Variants in EYS observed in about 807,000 individuals in gnomAD.
EYS encodes the protein protein eyes shut homolog.
A neutral mutation model predicts 282.1 loss-of-function variants in EYS; 250 were observed. The observed-to-expected ratio is 0.89, with a 90% CI of 0.80 to 0.98. EYS has a LOEUF of 0.98. Among genes scored for constraint, EYS ranks in the 50% least tolerant of loss-of-function variants. EYS has a pLI of 0.00. For missense variants in EYS, 4,016 were observed against 3,709.0 expected (o/e 1.08, Z -2.15); for synonymous variants, 1,355 against 1,282.9 (o/e 1.06, Z -1.20).
At chr6:64,504,805 C>G (rs1249587314) in intron 26 of EYS, among the ~76,000 whole-genome samples, 3 of 152,100 alleles carry the variant, frequency 2.0e-5, no homozygotes, top group Non-Finnish European at 4.4e-5. Flanking sequence ...TTCCATGTGG[C>G]TAGTAAGAAA....
rs78503976 is a variant in EYS, at chr6:65,020,010, A to G, written c.2138-22307T>C. On this transcript the variant is annotated intron_variant, in intron 13 of 42. Transcript: ENST00000503581. ...AACGGCAAGAGAGTAACCCACCCCC[A>G]TGATTCAATTACCTCACACCAGGAC... 6.4e-3 allele frequency among the ~76,000 whole-genome samples: 971 copies of G among 152,184 alleles called. 18 individuals carry two copies. The highest frequency in any genetic ancestry group is 0.021 in the African/African-American group (867 of 41,534).
At chr6:64,506,347 A>T (rs1324404077) in intron 26 of EYS, among the ~76,000 whole-genome samples, 2 of 152,190 alleles carry the variant, frequency 1.3e-5, no homozygotes, top group African/African-American at 4.8e-5. Flanking sequence ...AAATTTAAAA[A>T]AAAGTTTGGT....
rs953862148 is a variant in EYS at position 65,602,052 on chromosome 6, C to T, written c.-333+37726G>A. Among the ~76,000 whole-genome samples the T allele has an allele frequency of 2.4e-4, 36 of 151,904 alleles. 1 individual carries two copies. The highest frequency in any genetic ancestry group is 7.0e-4 in the African/African-American group (29 of 41,494). Reference sequence around the variant, plus strand: ...TAATTTCTCATTGGTCTGGGTCTTTCGCAGTGTGGATGCATAATTTTGTTA... The same window carrying T: ...TAATTTCTCATTGGTCTGGGTCTTTTGCAGTGTGGATGCATAATTTTGTTA... On this transcript the variant is annotated intron_variant, in intron 2 of 42. Transcript: ENST00000503581.
rs949374092 is a variant in EYS, at chr6:64,331,479, C to T, written c.6079-24397G>A. 3.3e-5 allele frequency among the ~76,000 whole-genome samples: 5 copies of T among 152,166 alleles called. No homozygotes were observed. In the East Asian group the frequency reaches 9.7e-4, roughly 30 times the overall value. On this transcript the variant is annotated intron_variant, in intron 29 of 42. Coordinates refer to ENST00000503581, the MANE Select transcript of EYS (RefSeq NM_001142800.2). Reference sequence around the variant, plus strand: ...TTACCATGCCCTTACTGGAGCTTCCCCTAACAGAACCCACTAACTACTCCT... The same window carrying T: ...TTACCATGCCCTTACTGGAGCTTCCTCTAACAGAACCCACTAACTACTCCT...
intron 35 of EYS, among the ~76,000 whole-genome samples, chr6:63,888,441 G>T (rs1183480016): frequency 6.6e-6 from 1 of 152,226 alleles, no homozygotes; most frequent in East Asian, 1.9e-4. Context: ...CCAGAGGAAG[G>T]ATCAGGCAGC....
intron 12 of EYS, among the ~76,000 whole-genome samples, chr6:65,067,887 C>T (rs905900733): frequency 1.3e-5 from 2 of 152,046 alleles, no homozygotes; most frequent in Admixed American, 6.6e-5. Flanking sequence ...AATTTAATTA[C>T]AGTTTCAGTA....
At chr6:65,383,292 T>A (rs1765684619) in intron 8 of EYS, among the ~76,000 whole-genome samples, 2 of 151,970 alleles carry the variant, frequency 1.3e-5, no homozygotes, top group Non-Finnish European at 2.9e-5. Flanking sequence ...TGTTAAATGT[T>A]TTCTGAAGTG....
intron 12 of EYS, among the ~76,000 whole-genome samples, chr6:65,271,346 T>A (rs112677727): frequency 4.6e-5 from 7 of 151,180 alleles, no homozygotes; most frequent in Non-Finnish European, 1.0e-4. Flanking sequence ...AAGATCGATG[T>A]CTCAGCTCAC....
chr6:64,289,143 A>T (rs369186841), intron 30 of EYS, among the ~76,000 whole-genome samples: 1 of 152,130 alleles, frequency 6.6e-6, no homozygotes, highest in East Asian at 1.9e-4. Context: ...CTTATCAATC[A>T]TGACTTCCCA....
intron 12 of EYS, among the ~76,000 whole-genome samples, chr6:65,192,882 T>C (rs985072945): frequency 6.6e-6 from 1 of 151,878 alleles, no homozygotes; most frequent in Non-Finnish European, 1.5e-5. Context: ...ACTTAGGATG[T>C]CCATCACCTT....
intron 35 of EYS, among the ~76,000 whole-genome samples, chr6:63,912,957 T>C (rs1764302599): frequency 6.6e-6 from 1 of 152,166 alleles, no homozygotes; most frequent in African/African-American, 2.4e-5. Flanking sequence ...TTTACAGCAG[T>C]GCAAGAATGG....
chr6:64,253,520 C>T (rs1198642897), intron 30 of EYS, among the ~76,000 whole-genome samples: 2 of 152,268 alleles, frequency 1.3e-5, no homozygotes, highest in Middle Eastern at 3.4e-3. Context: ...TCACTGTCAG[C>T]GCTACAAATT....
chr6:64,855,278 T>C (rs1272942251), intron 19 of EYS, among the ~76,000 whole-genome samples: 3 of 152,050 alleles, frequency 2.0e-5, no homozygotes, highest in African/African-American at 7.2e-5. Flanking sequence ...CCTTTATCTT[T>C]TCAAAATTTC....
At chr6:64,479,063 T>TC (rs1315338473) in intron 26 of EYS, among the ~76,000 whole-genome samples, 1 of 152,090 alleles carries the variant, frequency 6.6e-6, no homozygotes, top group East Asian at 1.9e-4. Context: ...TTAACATTTT[T>TC]CTTATACTAT....
At chr6:63,919,116 G>A (rs1314850555) in intron 35 of EYS, among the ~76,000 whole-genome samples, 1 of 152,040 alleles carries the variant, frequency 6.6e-6, no homozygotes, top group Non-Finnish European at 1.5e-5. Flanking sequence ...TAAATTTTGG[G>A]GAGAAAGGAG....
chr6:64,313,097 C>T (rs1232689650), intron 29 of EYS, among the ~76,000 whole-genome samples: 1 of 152,176 alleles, frequency 6.6e-6, no homozygotes, highest in Non-Finnish European at 1.5e-5. Context: ...GCTAAAGGAG[C>T]ATGTCCTAAC....
intron 15 of EYS, among the ~76,000 whole-genome samples, chr6:64,941,561 T>C (rs1413375521): frequency 6.6e-6 from 1 of 152,030 alleles, no homozygotes; most frequent in African/African-American, 2.4e-5. Context: ...ATCACCCAGG[T>C]AGTGAGCATA....
At chr6:63,910,602 G>A (rs943321068) in intron 35 of EYS, among the ~76,000 whole-genome samples, 1 of 152,072 alleles carries the variant, frequency 6.6e-6, no homozygotes, top group African/African-American at 2.4e-5. Flanking sequence ...TACTGCCATT[G>A]GTCTTGTGTT....
chr6:64,930,588 T>G (rs759446067), intron 15 of EYS, among the ~76,000 whole-genome samples: 1 of 151,300 alleles, frequency 6.6e-6, no homozygotes, highest in Non-Finnish European at 1.5e-5. Flanking sequence ...AATGTCAGAC[T>G]TTTTCAGTTA....
Sources: allele counts gnomAD v4.1 joint callset (sites outside exome capture counted in the v4.1 genomes callset), GRCh38; gene constraint gnomAD v4.1.1; transcripts MANE v1.5; gene names NCBI Gene and HGNC (gene_info 2026-07-23, HGNC 2026-07-21).